CRIM1: variants seen among roughly 807,000 people sequenced by gnomAD.
The protein encoded by CRIM1 is cysteine rich transmembrane BMP regulator 1, also known as cysteine-rich motor neuron 1 protein.
A neutral mutation model predicts 116.4 loss-of-function variants in CRIM1; 32 were observed. That is an observed-to-expected ratio of 0.27 (90% CI 0.21 to 0.37). CRIM1 has a LOEUF of 0.37. Ranked by LOEUF, CRIM1 falls within the 10% of genes least tolerant of loss-of-function variation. The probability of loss-of-function intolerance (pLI) is 1.00; values close to 1 mark genes in which losing one functional copy is unlikely to be tolerated. For missense variants in CRIM1, 1,331 were observed against 1,354.8 expected (o/e 0.98, Z 0.28); for synonymous variants, 590 against 509.2 (o/e 1.16, Z -2.13).
At chr2:36,542,801 G>T (rs1667037203) in intron 14 of CRIM1, among the ~76,000 whole-genome samples, 1 of 152,084 alleles carries the variant, frequency 6.6e-6, no homozygotes, top group Non-Finnish European at 1.5e-5. Flanking sequence ...TACCACACAT[G>T]AGAGTTTTTC....
chr2:36,472,761 T>C (rs939373763), intron 5 of CRIM1, among the ~76,000 whole-genome samples: 6 of 152,190 alleles, frequency 3.9e-5, no homozygotes, highest in African/African-American at 1.4e-4. Context: ...AGTACAGTAT[T>C]TTGCCTCGCT....
chr2:36,408,959 G>A (rs1373403493), intron 2 of CRIM1, among the ~76,000 whole-genome samples: 2 of 151,076 alleles, frequency 1.3e-5, no homozygotes, highest in African/African-American at 2.4e-5. Context: ...CTACTCTCCT[G>A]TCTTGCCAGT....
chr2:36,482,927 T>G (rs1679529683), intron 7 of CRIM1, among the ~76,000 whole-genome samples: 1 of 152,254 alleles, frequency 6.6e-6, no homozygotes, highest in African/African-American at 2.4e-5. Flanking sequence ...ATGTGTCTTT[T>G]GGTTACTCCT....
intron 1 of CRIM1, among the ~76,000 whole-genome samples, chr2:36,357,368 C>T (rs1668918128): frequency 6.6e-6 from 1 of 152,184 alleles, no homozygotes; most frequent in Non-Finnish European, 1.5e-5. Flanking sequence ...CGCGTGTTTC[C>T]TGTCGTGTTG....
At chr2:36,487,664 G>T (rs1679928494) in intron 7 of CRIM1, among the ~76,000 whole-genome samples, 1 of 151,802 alleles carries the variant, frequency 6.6e-6, no homozygotes, top group Non-Finnish European at 1.5e-5. Context: ...ATAGTAATTT[G>T]CTCTGAAAGC....
intron 1 of CRIM1, among the ~76,000 whole-genome samples, chr2:36,390,180 T>G (rs1010421296): frequency 2.0e-5 from 3 of 152,136 alleles, no homozygotes; most frequent in African/African-American, 4.8e-5. Flanking sequence ...TACAGGTGTT[T>G]CCTGCCTTGG....
In CRIM1 at chr2:36,385,456, G is replaced by A. The variant is rs745329272; in HGVS notation, c.332-11158G>A. ...TGAAGGTCTTAGCAAAGAACCTCTC[G>A]TTTTCCTCGATGATAGATTAGTTGA... On this transcript the variant is annotated intron_variant, in intron 1 of 16. Transcript: ENST00000280527. 2.6e-5 allele frequency among the ~76,000 whole-genome samples: 4 copies of A among 152,174 alleles called. No homozygotes were observed. The East Asian group carries it at 5.8e-4, about 22-fold the overall frequency.
intron 4 of CRIM1, among the ~76,000 whole-genome samples, chr2:36,462,205 T>A (rs1371575530): frequency 2.0e-5 from 3 of 151,898 alleles, no homozygotes; most frequent in Non-Finnish European, 4.4e-5. Context: ...TGTAAGGGAC[T>A]TTAAAAAAAA....
chr2:36,465,340 T>G (rs1420011394), intron 5 of CRIM1, among the ~76,000 whole-genome samples: 1 of 152,206 alleles, frequency 6.6e-6, no homozygotes, highest in African/African-American at 2.4e-5. Flanking sequence ...AAGGGGAACC[T>G]GCAACATGCT....
At chr2:36,514,617 T>C (rs1664915371) in intron 11 of CRIM1, among the ~76,000 whole-genome samples, 3 of 152,186 alleles carry the variant, frequency 2.0e-5, no homozygotes, top group Admixed American at 6.5e-5. Flanking sequence ...TCAGATTTCT[T>C]TCAAAGTTAA....
intron 15 of CRIM1, among the ~76,000 whole-genome samples, chr2:36,546,570 T>C (rs974291065): frequency 2.0e-5 from 3 of 152,122 alleles, no homozygotes; most frequent in Non-Finnish European, 4.4e-5. Flanking sequence ...ACATACTTTG[T>C]TCTAGTCTCC....
intron 4 of CRIM1, among the ~76,000 whole-genome samples, chr2:36,462,362 A>G (rs1269026075): frequency 4.6e-5 from 7 of 152,220 alleles, no homozygotes; most frequent in Admixed American, 4.6e-4. Flanking sequence ...TATTTTTTAA[A>G]TTGTAAATTT....
chr2:36,425,580 A>T (rs1432230253), intron 2 of CRIM1, among the ~76,000 whole-genome samples: 1 of 152,192 alleles, frequency 6.6e-6, no homozygotes, highest in African/African-American at 2.4e-5. Flanking sequence ...ACAATAACAT[A>T]ATTTGGAACG....
At chr2:36,486,947 A>G (rs1679865754) in intron 7 of CRIM1, among the ~76,000 whole-genome samples, 1 of 152,354 alleles carries the variant, frequency 6.6e-6, no homozygotes, top group Non-Finnish European at 1.5e-5. Context: ...AATGAAGGTT[A>G]TTAAGAGACA....
chr2:36,388,791 C>G (rs914679818), intron 1 of CRIM1, among the ~76,000 whole-genome samples: 1 of 149,528 alleles, frequency 6.7e-6, no homozygotes, highest in Admixed American at 6.7e-5. Context: ...AAACATGAAA[C>G]TGGTGCTTCT....
chr2:36,368,777 T>C (rs1669760202), intron 1 of CRIM1, among the ~76,000 whole-genome samples: 1 of 152,232 alleles, frequency 6.6e-6, no homozygotes, highest in South Asian at 2.1e-4. Context: ...CACCATTTCC[T>C]AGGTATGTAA....
intron 4 of CRIM1, among the ~76,000 whole-genome samples, chr2:36,455,345 C>T (rs908529404): frequency 1.3e-5 from 2 of 152,188 alleles, no homozygotes; most frequent in African/African-American, 4.8e-5. Flanking sequence ...GTGTTCCAGG[C>T]ACTATCCTGG....
intron 13 of CRIM1, among the ~76,000 whole-genome samples, chr2:36,525,577 A>G (rs1474626949): frequency 4.6e-5 from 7 of 152,232 alleles, no homozygotes; most frequent in Non-Finnish European, 1.5e-5. Flanking sequence ...TGGGCACCAA[A>G]GACCAGTGCT....
At chr2:36,507,412 A>G (rs987828846) in intron 8 of CRIM1, among the ~76,000 whole-genome samples, 2 of 152,248 alleles carry the variant, frequency 1.3e-5, no homozygotes, top group East Asian at 1.9e-4. Context: ...AGTAGGTAAC[A>G]AGAACATTGA....
Sources: gnomAD v4.1 joint callset for allele counts (sites outside exome capture counted in the v4.1 genomes callset) on GRCh38, gnomAD v4.1.1 for gene constraint, MANE v1.5 for transcripts, NCBI Gene and HGNC (gene_info 2026-07-23, HGNC 2026-07-21) for gene names.